The following ZNF527 variants were observed in gnomAD, a reference collection of about 807,000 sequenced individuals.
ZNF527 encodes zinc finger protein 527.
In ZNF527, 5 loss-of-function variants were observed where a neutral mutation model predicts 13.5. That is an observed-to-expected ratio of 0.37 (90% CI 0.19 to 0.78). ZNF527 has a LOEUF of 0.78. Among genes scored for constraint, ZNF527 ranks in the 30% least tolerant of loss-of-function variants. The probability of loss-of-function intolerance (pLI) is 0.48; values close to 1 mark genes in which losing one functional copy is unlikely to be tolerated. For synonymous variants in ZNF527, 209 were observed against 243.1 expected, an observed-to-expected ratio of 0.86 and a Z score of 1.30; for missense variants, 628 against 726.4, an observed-to-expected ratio of 0.86 and a Z score of 1.56.
At chr19:37,379,614 C>A (rs2040636515) in intron 3 of ZNF527, 1 of 157,024 alleles carries the variant, frequency 6.4e-6, no homozygotes, top group South Asian at 1.9e-4. Context: ...AGGCGCCCAC[C>A]ACCACACCCA....
In ZNF527 at chr19:37,379,237, G is replaced by T; in HGVS notation, c.151G>T (p.Val51Leu). 6.3e-7 allele frequency: 1 copy of T among 1,596,982 alleles called. No individual in the cohort carries two copies. Among genetic ancestry groups the T allele is most frequent in the African/African-American group, 1.4e-5 (1 of 73,780 alleles). The change falls in exon 3 of 5, where the codon GTA (valine) becomes TTA (leucine). Residue 51 changes from valine (V) to leucine (L), a missense_variant. Physicochemically the swap from Val to Leu is conservative, Grantham distance 32. Coordinates refer to ENST00000436120, the MANE Select transcript of ZNF527 (RefSeq NM_032453.2). Reference sequence around the variant, plus strand: ...CATGTTGGAGAACTACAGGAACTTGGTATGGCTTGGTAAGGATGTTTCTCC... The same window carrying T: ...CATGTTGGAGAACTACAGGAACTTGTTATGGCTTGGTAAGGATGTTTCTCC... ...DVMLENYRNL[V>L]WLGLSISKPN...
rs781727373 is a variant in ZNF527, at chr19:37,389,766, C to T, written c.1717C>T (p.Gln573Ter). 2.5e-6 allele frequency: 4 copies of T among 1,613,712 alleles called. No individual in the cohort carries two copies. Among genetic ancestry groups the T allele is most frequent in the Non-Finnish European group, 3.4e-6 (4 of 1,180,008 alleles). ...TCAGATCTTGTCCCTAAGACTACAC[C>T]AGAGAATTCACGCTGGAGAAAAACC... ...FHQILSLRLH[Q>*]RIHAGEKPYK... The change falls in exon 5 of 5, where the codon CAG becomes TAG. Residue 573 changes from glutamine (Q) to a stop codon, truncating the protein, a stop_gained. Coordinates refer to ENST00000436120, the MANE Select transcript of ZNF527 (RefSeq NM_032453.2). LOFTEE classifies it low-confidence loss of function (END_TRUNC).
At chr19:37,373,006 C>T (rs2040571281) in intron 1 of ZNF527, among the ~76,000 whole-genome samples, 1 of 152,198 alleles carries the variant, frequency 6.6e-6, no homozygotes, top group African/African-American at 2.4e-5. Flanking sequence ...ATCGTGGCCT[C>T]TCAAAAGAGG....
intron 2 of ZNF527, 135 bp downstream of exon 2, chr19:37,374,366 T>C: frequency 1.3e-6 from 1 of 779,110 alleles, no homozygotes; most frequent in Non-Finnish European, 2.2e-6. Context: ...ATATAATCCT[T>C]CTACAAAACA....
intron 4 of ZNF527, among the ~76,000 whole-genome samples, chr19:37,386,140 C>CTT (rs1050024983): frequency 0.021 from 1,499 of 72,384 alleles, 93 homozygotes; most frequent in African/African-American, 0.041. Context: ...TCTTCTTTTC[C>CTT]TTTTTTTTTT....
At chr19:37,381,900 CAT>C (rs1190303312) in intron 4 of ZNF527, among the ~76,000 whole-genome samples, 3 of 152,042 alleles carry the variant, frequency 2.0e-5, no homozygotes, top group Non-Finnish European at 4.4e-5. Context: ...TAATTTACCT[CAT>C]AAAATTTAAT....
chr19:37,386,544 TGTGA>T (rs1161196329), intron 4 of ZNF527, among the ~76,000 whole-genome samples: 1 of 152,228 alleles, frequency 6.6e-6, no homozygotes, highest in East Asian at 1.9e-4. Flanking sequence ...ATGTGGCTAG[TGTGA>T]GTAAGGAACT....
At position 37,391,906 on chromosome 19, in the gene ZNF527, G is replaced by A. The variant is rs1359872436; in HGVS notation, c.*2027G>A. On this transcript the variant is annotated 3_prime_UTR_variant, in exon 5 of 5. Coordinates refer to ENST00000436120, the MANE Select transcript of ZNF527 (RefSeq NM_032453.2). ...GTAAGAATATTGGGTATTGCCTGAA[G>A]AGCATCTGTAAAAACATATCAGAAC... 2 of 152,130 alleles carry A rather than the reference G, an allele frequency of 1.3e-5. No individual in the cohort carries two copies. The highest frequency in any genetic ancestry group is 2.9e-5 in the Non-Finnish European group (2 of 68,038). 9.4% of individuals were successfully genotyped at this position (152,130 alleles called of 1,614,324 possible).
At chr19:37,387,504 C>T (rs1367109521) in intron 4 of ZNF527, among the ~76,000 whole-genome samples, 1 of 152,198 alleles carries the variant, frequency 6.6e-6, no homozygotes, top group Non-Finnish European at 1.5e-5. Context: ...CTACTAGGTA[C>T]TTCAGACCTA....
Position 37,389,970 on chromosome 19 carries a change from G to A in ZNF527, c.*91G>A. ...CTTTTTGGTTAGTAATTCTTTGAAT[G>A]TAGTTCATATTTCAGTTCATGAGTA... On this transcript the variant is annotated 3_prime_UTR_variant, in exon 5 of 5. Coordinates refer to ENST00000436120, the MANE Select transcript of ZNF527 (RefSeq NM_032453.2). 6.9e-7 allele frequency: 1 copy of A among 1,445,620 alleles called. No homozygotes were observed. The highest frequency in any genetic ancestry group is 2.3e-5 in the Admixed American group (1 of 43,238). 89.5% of individuals were successfully genotyped at this position (1,445,620 alleles called of 1,614,324 possible).
chr19:37,381,853 A>C (rs968008874), intron 4 of ZNF527, among the ~76,000 whole-genome samples: 1 of 152,084 alleles, frequency 6.6e-6, no homozygotes, highest in Non-Finnish European at 1.5e-5. Flanking sequence ...TTATATATTC[A>C]ATTATATTTA....
At chr19:37,378,052 C>A (rs1377656368) in intron 2 of ZNF527, among the ~76,000 whole-genome samples, 1 of 148,414 alleles carries the variant, frequency 6.7e-6, no homozygotes, top group Non-Finnish European at 1.5e-5. Flanking sequence ...TTTTTTGAGA[C>A]GGAGTCTTGC....
intron 2 of ZNF527, among the ~76,000 whole-genome samples, chr19:37,375,239 G>T (rs1031512643): frequency 3.9e-5 from 5 of 128,196 alleles, no homozygotes; most frequent in Non-Finnish European, 6.9e-5. Context: ...AGTCCTTAGT[G>T]TATTTTCTTT....
chr19:37,375,290 CTTT>C (rs2040592535), intron 2 of ZNF527, among the ~76,000 whole-genome samples: 3 of 112,440 alleles, frequency 2.7e-5, no homozygotes, highest in African/African-American at 1.2e-4. Flanking sequence ...TTCTTTCTTT[CTTT>C]CTTTCTTTCT....
In ZNF527 at chr19:37,392,575, G is replaced by C. The variant is rs10405325; in HGVS notation, c.*2696G>C. 0.21 allele frequency: 31,443 copies of C among 151,822 alleles called. 3,463 individuals carry two copies. Among genetic ancestry groups the C allele is most frequent in the South Asian group, 0.31 (1,499 of 4,812 alleles). 9.4% of individuals were successfully genotyped at this position (151,822 alleles called of 1,614,324 possible). ...TGGCTAAGTTTCGCGTTTTTCTGTA[G>C]AGATGGGGTTTCGCGAGTTGCCCAG... On this transcript the variant is annotated 3_prime_UTR_variant, in exon 5 of 5. Coordinates refer to ENST00000436120, the MANE Select transcript of ZNF527 (RefSeq NM_032453.2).
In ZNF527 at chr19:37,392,595, G is replaced by A. The variant is rs1039545883; in HGVS notation, c.*2716G>A. 6.6e-6 allele frequency: 1 copy of A among 152,082 alleles called. No individual in the cohort carries two copies. The highest frequency in any genetic ancestry group is 2.4e-5 in the African/African-American group (1 of 41,392). 9.4% of individuals were successfully genotyped at this position (152,082 alleles called of 1,614,324 possible). On this transcript the variant is annotated 3_prime_UTR_variant, in exon 5 of 5. Transcript: ENST00000436120. ...CTGTAGAGATGGGGTTTCGCGAGTT[G>A]CCCAGGCTGGTCTCCAACTCTTGGC... is the stretch of plus-strand genomic sequence containing the variant.
chr19:37,372,467 C>CTTTTTTT (rs1022024971), intron 1 of ZNF527, among the ~76,000 whole-genome samples: 86 of 65,648 alleles, frequency 1.3e-3, no homozygotes, highest in African/African-American at 2.8e-3. Flanking sequence ...CTTTTCTTTT[C>CTTTTTTT]TTTTTTTTTT....
At chr19:37,374,642 A>C (rs1172515442) in intron 2 of ZNF527, among the ~76,000 whole-genome samples, 1 of 152,222 alleles carries the variant, frequency 6.6e-6, no homozygotes, top group African/African-American at 2.4e-5. Flanking sequence ...GTACAAAGTT[A>C]TTATGGTGGG....
At chr19:37,386,158 T>TTTTTTTTTC (rs2040697692) in intron 4 of ZNF527, among the ~76,000 whole-genome samples, 1 of 143,868 alleles carries the variant, frequency 7.0e-6, no homozygotes, top group South Asian at 2.3e-4. Context: ...TTTTTTTTTT[T>TTTTTTTTTC]TTTTGAGACA....
Sources: gnomAD v4.1 joint callset for allele counts (sites outside exome capture counted in the v4.1 genomes callset) on GRCh38, gnomAD v4.1.1 for gene constraint, MANE v1.5 for transcripts, NCBI Gene and HGNC (gene_info 2026-07-23, HGNC 2026-07-21) for gene names.